The following SMC6 variants were observed in gnomAD, a reference collection of about 807,000 sequenced individuals.
SMC6 encodes structural maintenance of chromosomes 6.
Under a neutral mutation model 142.2 loss-of-function variants are expected in SMC6, and 79 were observed. The ratio of observed to expected loss-of-function variants is 0.56; its 90% confidence interval spans 0.46 to 0.67. The LOEUF (loss-of-function observed/expected upper bound fraction) is 0.67, where lower values mean the gene tolerates loss of function less well. SMC6 is among the 30% of genes least tolerant of loss of function. The probability of loss-of-function intolerance (pLI) is 0.00; values close to 1 mark genes in which losing one functional copy is unlikely to be tolerated. For synonymous variants in SMC6, 411 were observed against 412.4 expected (o/e 1.00, Z 0.04); for missense variants, 1,072 against 1,284.0 (o/e 0.83, Z 2.52).
intron 17 of SMC6, among the ~76,000 whole-genome samples, chr2:17,707,988 GTA>G (rs1226693127): frequency 1.3e-4 from 13 of 99,434 alleles, no homozygotes; most frequent in South Asian, 4.9e-4. Context: ...ATATGTATAT[GTA>G]TATATATACA....
intron 7 of SMC6, among the ~76,000 whole-genome samples, chr2:17,728,863 A>G (rs1053640497): frequency 5.3e-5 from 8 of 151,874 alleles, no homozygotes; most frequent in African/African-American, 1.7e-4. Context: ...ATTCTCTCAC[A>G]TCAGCCTCCT....
At chr2:17,707,026 G>A (rs180801954) in intron 18 of SMC6, among the ~76,000 whole-genome samples, 193 bp downstream of exon 18, 15 of 152,274 alleles carry the variant, frequency 9.9e-5, no homozygotes, top group East Asian at 3.9e-4. Context: ...CCTGAATGAC[G>A]TTGTTAAAGT....
At chr2:17,752,031 A>G (rs1314527938) in intron 2 of SMC6, among the ~76,000 whole-genome samples, 1 of 152,220 alleles carries the variant, frequency 6.6e-6, no homozygotes, top group Non-Finnish European at 1.5e-5. Flanking sequence ...GCCAGGCTCA[A>G]TACTAACTGG....
At chr2:17,670,639 T>C in intron 25 of SMC6, 64 bp from the exon 26 acceptor site, 1 of 1,392,216 alleles carries the variant, frequency 7.2e-7, no homozygotes, top group Non-Finnish European at 9.6e-7. Flanking sequence ...ATTAAATTCT[T>C]TACAAGACAG....
At chr2:17,677,933 A>G (rs1667072457) in intron 25 of SMC6, among the ~76,000 whole-genome samples, 1 of 152,220 alleles carries the variant, frequency 6.6e-6, no homozygotes, top group East Asian at 1.9e-4. Context: ...TATGGTAACT[A>G]AGAGTAGTAG....
At chr2:17,732,516 C>T (rs923597198) in intron 5 of SMC6, among the ~76,000 whole-genome samples, 2 of 151,794 alleles carry the variant, frequency 1.3e-5, no homozygotes, top group African/African-American at 4.8e-5. Context: ...CTGGCCAACA[C>T]GGTGAAACCC....
At chr2:17,747,949 C>T (rs1670838345) in intron 2 of SMC6, among the ~76,000 whole-genome samples, 1 of 152,218 alleles carries the variant, frequency 6.6e-6, no homozygotes, top group Non-Finnish European at 1.5e-5. Context: ...TAACATCTTA[C>T]TATTATCATT....
intron 27 of SMC6, 88 bp downstream of exon 27, chr2:17,666,332 T>C (rs1666495474): frequency 5.4e-6 from 5 of 917,802 alleles, no homozygotes; most frequent in Admixed American, 2.2e-5. Flanking sequence ...GTCTTGTATG[T>C]ATTTGTATTT....
At chr2:17,688,834 TAACA>T (rs1158307639) in intron 23 of SMC6, among the ~76,000 whole-genome samples, 8 of 152,100 alleles carry the variant, frequency 5.3e-5, no homozygotes, top group Admixed American at 5.2e-4. Context: ...GTAAATAAAT[TAACA>T]AATAGATAAA....
At chr2:17,683,155 T>C (rs1253279338) in intron 24 of SMC6, among the ~76,000 whole-genome samples, 1 of 152,154 alleles carries the variant, frequency 6.6e-6, no homozygotes, top group African/African-American at 2.4e-5. Flanking sequence ...CCTAATTCTG[T>C]ATTCATTTAT....
In SMC6 at chr2:17,708,107, C is replaced by T. The variant is rs540348002; in HGVS notation, c.1845+532G>A. Among the ~76,000 whole-genome samples the T allele has an allele frequency of 4.6e-5, 7 of 151,546 alleles. No individual in the cohort carries two copies. In the South Asian group the frequency reaches 8.3e-4, roughly 18 times the overall value. ...TTGATTACAGATTTGTTTTAAATAACGAGACAATATAAATCACCTTGTCCC... is the reference window on the plus strand; with the variant it reads ...TTGATTACAGATTTGTTTTAAATAATGAGACAATATAAATCACCTTGTCCC... On this transcript the variant is annotated intron_variant, in intron 17 of 27. Coordinates refer to ENST00000448223, the MANE Select transcript of SMC6 (RefSeq NM_001142286.2).
At chr2:17,707,997 TACAC>T (rs10540609) in intron 17 of SMC6, among the ~76,000 whole-genome samples, 1,691 of 148,590 alleles carry the variant, frequency 0.011, 16 homozygotes, top group African/African-American at 0.02. Flanking sequence ...TGTATATATA[TACAC>T]ACACACACAC....
intron 25 of SMC6, among the ~76,000 whole-genome samples, chr2:17,675,956 C>A (rs1162163332): frequency 6.6e-6 from 1 of 152,116 alleles, no homozygotes; most frequent in Non-Finnish European, 1.5e-5. Context: ...TCTGCTCATT[C>A]TTTGTTCTAT....
chr2:17,732,649 A>T (rs1179365679), intron 5 of SMC6, among the ~76,000 whole-genome samples: 1 of 151,962 alleles, frequency 6.6e-6, no homozygotes, highest in Non-Finnish European at 1.5e-5. Flanking sequence ...CAGTGAGCTG[A>T]GATCGTGCCA....
At chr2:17,707,438 A>G (rs908914877) in intron 17 of SMC6, 59 bp from the exon 18 acceptor site, 45 of 1,154,192 alleles carry the variant, frequency 3.9e-5, no homozygotes, top group Non-Finnish European at 5.0e-5. Context: ...TCTGATGTAC[A>G]GAATTTCAAA....
At position 17,721,243 on chromosome 2, in the gene SMC6, G is replaced by A. The variant is rs373857118; in HGVS notation, c.745C>T (p.Arg249Cys). 1.5e-5 allele frequency: 24 copies of A among 1,591,980 alleles called. No homozygotes were observed. The East Asian group carries it at 1.8e-4, about 12-fold the overall frequency. ...QGEERLTELKRQCVEKEERFQ... is the reference protein window; with the variant it reads ...QGEERLTELKCQCVEKEERFQ... Reference sequence around the variant, plus strand: ...CGTTCCTCTTTCTCTACACACTGGCGCTTTAGTTCAGTAAGCCGCTTAAAA... The same window carrying A: ...CGTTCCTCTTTCTCTACACACTGGCACTTTAGTTCAGTAAGCCGCTTAAAA... The change falls in exon 10 of 28, where the codon CGC becomes TGC. Residue 249 changes from arginine to cysteine, a missense_variant. By Grantham distance (180) the Arg-to-Cys change is radical (BLOSUM62 -3). Around this residue, in one of 3 missense-constraint regions of SMC6, gnomAD observed 994 missense variants for 1,153.2 expected, o/e 0.86. Transcript: ENST00000448223.
At chr2:17,731,030 A>G (rs2125044867) in intron 7 of SMC6, 48 bp downstream of exon 7, 1 of 1,473,246 alleles carries the variant, frequency 6.8e-7, no homozygotes, top group East Asian at 2.3e-5. Context: ...CGCACTAAAA[A>G]AATGACAAGG....
chr2:17,666,949 T>C (rs942748844), intron 26 of SMC6, among the ~76,000 whole-genome samples: 14 of 152,196 alleles, frequency 9.2e-5, no homozygotes, highest in African/African-American at 3.4e-4. Context: ...ACCATTGTAC[T>C]CTAGCCTGAA....
chr2:17,664,680 G>A lies in SMC6; in HGVS notation c.*819C>T, dbSNP rs1172317809. The A allele has an allele frequency of 2.0e-5, 3 of 152,128 alleles. No individual in the cohort carries two copies. The highest frequency in any genetic ancestry group is 4.4e-5 in the Non-Finnish European group (3 of 68,046). The allele number at this position is 152,128 out of a possible 1,614,324, so 9.4% of individuals were successfully genotyped here. ...AGGATGAGTCTTAGAATTGATGTCA[G>A]CTCACCATCAACTGCATGGCCTCAG... is the stretch of plus-strand genomic sequence containing the variant. On this transcript the variant is annotated 3_prime_UTR_variant, in exon 28 of 28. Transcript: ENST00000448223.
Sources: allele counts gnomAD v4.1 joint callset (sites outside exome capture counted in the v4.1 genomes callset), GRCh38; gene constraint gnomAD v4.1.1; regional missense constraint gnomAD v4.1.1; transcripts MANE v1.5; gene names NCBI Gene and HGNC (gene_info 2026-07-23, HGNC 2026-07-21).